NHSL1: variants seen among roughly 807,000 people sequenced by gnomAD.
The protein encoded by NHSL1 is NHS-like protein 1.
In NHSL1, 48 loss-of-function variants were observed where a neutral mutation model predicts 95.0. The observed-to-expected ratio is 0.51, with a 90% CI of 0.40 to 0.64. The LOEUF is 0.64. NHSL1 is among the 30% of genes least tolerant of loss of function. The pLI is 0.00. For synonymous variants in NHSL1, 783 were observed against 833.9 expected, an observed-to-expected ratio of 0.94 and a Z score of 1.05; for missense variants, 1,971 against 2,077.7, an observed-to-expected ratio of 0.95 and a Z score of 1.00.
rs1405764574 is a variant in NHSL1 at position 138,687,966 on chromosome 6, T to TGGGG, written c.96+4506_96+4509dup. The stretch of plus-strand genomic sequence containing the variant: ...CCCTAAATTGTACACTTTTTTTTTT[T>TGGGG]GGGGACACAGAGTCTTGCTCTATCT... On this transcript the variant is annotated intron_variant, in intron 1 of 3. Transcript: ENST00000491526. 3.7e-3 allele frequency among the ~76,000 whole-genome samples: 561 copies of TGGGG among 151,862 alleles called. 1 individual carries two copies. The highest frequency in any genetic ancestry group is 0.01 in the African/African-American group (424 of 41,380).
chr6:138,454,187 G>C (rs966646697), intron 3 of NHSL1, among the ~76,000 whole-genome samples: 2 of 148,932 alleles, frequency 1.3e-5, no homozygotes, highest in African/African-American at 5.0e-5. Flanking sequence ...TGTTATATGT[G>C]TGCGTGTGTG....
chr6:138,513,161 T>C (rs922099917), intron 1 of NHSL1, among the ~76,000 whole-genome samples: 11 of 152,174 alleles, frequency 7.2e-5, no homozygotes, highest in Admixed American at 7.2e-4. Context: ...AAACCAGCTG[T>C]TGTGAAAATG....
At position 138,432,691 on chromosome 6, in the gene NHSL1, G is replaced by A; in HGVS notation, c.1654C>T (p.Pro552Ser). The part of the protein sequence containing the change: ...SGGGGHSSSE[P>S]WEYKSSGNGR... ...TTACCTGAGGATTTGTATTCCCAGG[G>A]CTCCGAGCTGCTGTGCCCTCCGCCC... The change falls in exon 6 of 8, where the codon CCC (proline) becomes TCC (serine). Residue 552 changes from proline (P) to serine (S), a missense_variant. Pro to Ser is a moderately conservative substitution (Grantham distance 74). This residue lies in a region of NHSL1 where 1,602 missense variants were observed against 1,654.5 expected (regional missense o/e 0.97). Coordinates refer to ENST00000343505, the MANE Select transcript of NHSL1 (RefSeq NM_001144060.2). This position sits in a 1 kb window ranked among gnomAD's most constrained non-coding sequence, Gnocchi z 4.4. The A allele has an allele frequency of 3.2e-6, 5 of 1,551,650 alleles. No individual in the cohort carries two copies. Among genetic ancestry groups the A allele is most frequent in the Non-Finnish European group, 4.4e-6 (5 of 1,146,948 alleles).
intron 1 of NHSL1, among the ~76,000 whole-genome samples, chr6:138,609,370 G>A (rs1451003940): frequency 2.6e-5 from 4 of 152,190 alleles, no homozygotes; most frequent in South Asian, 2.1e-4. Context: ...CTCACGCACA[G>A]CCCAAGAATT....
intron 1 of NHSL1, among the ~76,000 whole-genome samples, chr6:138,551,479 C>T (rs1326228453): frequency 1.3e-5 from 2 of 152,146 alleles, no homozygotes; most frequent in African/African-American, 4.8e-5. Context: ...TAAGCCAATT[C>T]CCTAGAGAAG....
At chr6:138,572,002 G>T in exon 1 of NHSL1, 1 of 1,015,186 alleles carries the variant, frequency 9.9e-7, no homozygotes. Context: ...CCACGAGCCT[G>T]CTGTTTCCCT....
upstream of NHSL1, among the ~76,000 whole-genome samples, chr6:138,546,423 T>G (rs1362779932): frequency 3.8e-5 from 3 of 79,018 alleles, no homozygotes; most frequent in South Asian, 1.1e-3. Flanking sequence ...AGACCCCATC[T>G]CTACAAAAAA....
intron 2 of NHSL1, among the ~76,000 whole-genome samples, chr6:138,487,098 T>G (rs1779776218): frequency 6.6e-6 from 1 of 151,982 alleles, no homozygotes; most frequent in African/African-American, 2.4e-5. Context: ...ACTGAAGGAC[T>G]TTATCATTAC....
At chr6:138,461,515 GA>G (rs35357757) in intron 3 of NHSL1, among the ~76,000 whole-genome samples, 8,431 of 152,242 alleles carry the variant, frequency 0.055, 646 homozygotes, top group East Asian at 0.29. Flanking sequence ...TAGAAGAAAA[GA>G]ATCATAAACA....
rs1200294404 is a variant in NHSL1 at position 138,524,857 on chromosome 6, G to A, written c.16+20766C>T. Among the ~76,000 whole-genome samples the A allele has an allele frequency of 4.6e-5, 7 of 152,232 alleles. No individual in the cohort carries two copies. In the East Asian group the frequency reaches 5.8e-4, roughly 13 times the overall value. On this transcript the variant is annotated intron_variant, in intron 1 of 4. Coordinates refer to the NHSL1 transcript ENST00000342260. ...AAAATATTGAAGGATCTCATAAAAC[G>A]TTACCAGAAGCCCATTCTTAAACAT... is the stretch of plus-strand genomic sequence containing the variant.
intron 1 of NHSL1, among the ~76,000 whole-genome samples, chr6:138,602,893 T>C (rs1331596542): frequency 6.6e-6 from 1 of 152,208 alleles, no homozygotes; most frequent in African/African-American, 2.4e-5. Flanking sequence ...ACTGTGGTGT[T>C]GTGACAAATT....
At chr6:138,508,955 C>T (rs1371567119) in intron 1 of NHSL1, among the ~76,000 whole-genome samples, 1 of 152,122 alleles carries the variant, frequency 6.6e-6, no homozygotes, top group Non-Finnish European at 1.5e-5. Flanking sequence ...ACAAATTCAT[C>T]GAATTCATTC....
chr6:138,559,750 A>G (rs1783342383), intron 1 of NHSL1, among the ~76,000 whole-genome samples: 1 of 152,248 alleles, frequency 6.6e-6, no homozygotes, highest in Non-Finnish European at 1.5e-5. Context: ...GGGTCATAAA[A>G]TCAAGTAGTA....
upstream of NHSL1, among the ~76,000 whole-genome samples, chr6:138,502,428 T>A (rs986039263): frequency 6.6e-6 from 1 of 151,696 alleles, no homozygotes; most frequent in South Asian, 2.1e-4. Flanking sequence ...AGAAAAGATA[T>A]AAATCCATGG....
chr6:138,691,544 G>C (rs984474366), intron 1 of NHSL1, among the ~76,000 whole-genome samples: 1 of 152,086 alleles, frequency 6.6e-6, no homozygotes, highest in African/African-American at 2.4e-5. Context: ...CTGAAATCTA[G>C]GCGTGTGTTA....
chr6:138,497,530 T>C (rs1696878885), intron 1 of NHSL1, among the ~76,000 whole-genome samples: 1 of 152,216 alleles, frequency 6.6e-6, no homozygotes, highest in Non-Finnish European at 1.5e-5. Flanking sequence ...CAAAGTAACA[T>C]GAGAACACAC....
At chr6:138,609,748 T>TAAAAAAA (rs1583447459) in intron 1 of NHSL1, among the ~76,000 whole-genome samples, 2 of 29,312 alleles carry the variant, frequency 6.8e-5, no homozygotes, top group African/African-American at 3.4e-4. Context: ...AGACTCTGTC[T>TAAAAAAA]CAAAAAAAAA....
intron 1 of NHSL1, among the ~76,000 whole-genome samples, chr6:138,507,332 T>C (rs1781012900): frequency 6.6e-6 from 1 of 152,210 alleles, no homozygotes; most frequent in Admixed American, 6.5e-5. Context: ...GCAATCAGTC[T>C]TAACTTAAAG....
intron 1 of NHSL1, among the ~76,000 whole-genome samples, chr6:138,613,578 A>G (rs1265646392): frequency 1.3e-5 from 2 of 152,214 alleles, no homozygotes; most frequent in Non-Finnish European, 2.9e-5. Context: ...GGAACTGAAC[A>G]AATCCCCCAT....
Sources: allele counts gnomAD v4.1 joint callset (sites outside exome capture counted in the v4.1 genomes callset), GRCh38; gene constraint gnomAD v4.1.1; regional missense constraint gnomAD v4.1.1; non-coding constraint Gnocchi (gnomAD v3.1); transcripts MANE v1.5; gene names NCBI Gene and HGNC (gene_info 2026-07-23, HGNC 2026-07-21).